Variants in UST observed in about 807,000 individuals in gnomAD.
UST encodes the protein uronyl 2-sulfotransferase, also known as chondroitin sulfate 2-O-sulfotransferase.
UST carries 21 observed loss-of-function variants against 45.6 expected under a neutral mutation model. The observed-to-expected ratio is 0.46, with a 90% confidence interval of 0.33 to 0.66. The LOEUF (loss-of-function observed/expected upper bound fraction) is 0.66. Ranked by LOEUF, UST falls within the 30% of genes least tolerant of loss-of-function variation. The probability of loss-of-function intolerance (pLI) is 0.02; values close to 1 mark genes in which losing one functional copy is unlikely to be tolerated. For synonymous variants in UST, 215 were observed against 200.6 expected (o/e 1.07, Z -0.61); for missense variants, 463 against 512.4 (o/e 0.90, Z 0.93).
chr6:148,838,857 C>T (rs775187771), intron 1 of UST, among the ~76,000 whole-genome samples: 2 of 152,068 alleles, frequency 1.3e-5, no homozygotes, highest in Admixed American at 6.6e-5. Context: ...AGGGCATAGG[C>T]ATCCAGGATA....
intron 3 of UST, among the ~76,000 whole-genome samples, chr6:148,951,599 A>G (rs1780366562): frequency 6.6e-6 from 1 of 152,110 alleles, no homozygotes; most frequent in African/African-American, 2.4e-5. Context: ...GATTTAGGTG[A>G]AGGAACAGGC....
At chr6:148,993,509 T>C (rs1234054852) in intron 5 of UST, among the ~76,000 whole-genome samples, 3 of 152,230 alleles carry the variant, frequency 2.0e-5, no homozygotes, top group Non-Finnish European at 4.4e-5. Context: ...TAAAAGAATT[T>C]AGAGACTTGT....
At chr6:149,019,003 T>G in intron 5 of UST, 136 bp from the exon 6 acceptor site, 1 of 743,126 alleles carries the variant, frequency 1.3e-6, no homozygotes, top group Non-Finnish European at 2.3e-6. Context: ...AGTTTTCTCA[T>G]GAAATCTGTG....
At chr6:148,839,717 T>G (rs1777855727) in intron 1 of UST, among the ~76,000 whole-genome samples, 1 of 152,066 alleles carries the variant, frequency 6.6e-6, no homozygotes, top group Admixed American at 6.5e-5. Context: ...TCCTCCAACA[T>G]TTGGAGGATC....
intron 1 of UST, among the ~76,000 whole-genome samples, chr6:148,769,906 T>G (rs1776390404): frequency 6.6e-6 from 1 of 152,072 alleles, no homozygotes; most frequent in South Asian, 2.1e-4. Flanking sequence ...CTTCTAAGAT[T>G]ATGTAAATTA....
chr6:148,956,828 C>T (rs915008610), intron 4 of UST, among the ~76,000 whole-genome samples: 1 of 152,130 alleles, frequency 6.6e-6, no homozygotes, highest in African/African-American at 2.4e-5. Context: ...TTTTCCTTGC[C>T]TTTGGGAGAC....
At chr6:148,759,243 T>TA (rs905667894) in intron 1 of UST, among the ~76,000 whole-genome samples, 5 of 152,080 alleles carry the variant, frequency 3.3e-5, no homozygotes, top group African/African-American at 1.2e-4. Context: ...GAAGTCCTTT[T>TA]AAAAAAGTCC....
chr6:148,836,036 T>G (rs1476305858), intron 1 of UST, among the ~76,000 whole-genome samples: 1 of 152,168 alleles, frequency 6.6e-6, no homozygotes, highest in Non-Finnish European at 1.5e-5. Context: ...TGGTGGTGAC[T>G]GAAGGCAGAA....
chr6:148,988,868 C>A (rs1329522651), intron 5 of UST, among the ~76,000 whole-genome samples: 1 of 152,184 alleles, frequency 6.6e-6, no homozygotes, highest in African/African-American at 2.4e-5. Flanking sequence ...TTGTCCTCTG[C>A]TCCTGTTAAT....
At chr6:148,837,900 G>A (rs963644273) in intron 1 of UST, among the ~76,000 whole-genome samples, 3 of 152,176 alleles carry the variant, frequency 2.0e-5, no homozygotes, top group South Asian at 2.1e-4. Context: ...ACGGGGTTTC[G>A]CCATGTTGCT....
At chr6:148,872,305 A>G (rs534262741) in intron 1 of UST, among the ~76,000 whole-genome samples, 4 of 152,380 alleles carry the variant, frequency 2.6e-5, no homozygotes, top group Admixed American at 6.5e-5. Context: ...GATGGTGTCT[A>G]TATGAGGCTT....
At chr6:148,900,589 C>T (rs913313176) in intron 2 of UST, among the ~76,000 whole-genome samples, 1 of 152,330 alleles carries the variant, frequency 6.6e-6, no homozygotes. Flanking sequence ...GTCCATTAAA[C>T]CTCTTCCTTT....
chr6:148,831,780 C>A (rs1777691925), intron 1 of UST, among the ~76,000 whole-genome samples: 1 of 152,008 alleles, frequency 6.6e-6, no homozygotes, highest in Admixed American at 6.6e-5. Flanking sequence ...GCACAGAGTA[C>A]AGCCCTATCT....
chr6:148,822,730 G>C (rs1044631029), intron 1 of UST, among the ~76,000 whole-genome samples: 1 of 152,150 alleles, frequency 6.6e-6, no homozygotes, highest in African/African-American at 2.4e-5. Context: ...GGGGGTTTGT[G>C]ATCTCAAATG....
intron 1 of UST, among the ~76,000 whole-genome samples, chr6:148,828,020 A>G (rs976345847): frequency 3.3e-5 from 5 of 151,994 alleles, no homozygotes; most frequent in African/African-American, 7.2e-5. Context: ...AAATGTTGCC[A>G]TATGTTTAAG....
chr6:148,991,615 C>G (rs1020769769), intron 5 of UST, among the ~76,000 whole-genome samples: 2 of 148,102 alleles, frequency 1.4e-5, no homozygotes, highest in Non-Finnish European at 1.5e-5. Context: ...TATTTTATAT[C>G]AACTGTTACT....
In UST at chr6:148,993,080, C is replaced by A. The variant is rs546707255; in HGVS notation, c.682-26059C>A. The A allele has an allele frequency of 1.0e-5, 10 of 985,402 alleles. No homozygotes were observed. In the African/African-American group the frequency reaches 1.6e-4, roughly 15 times the overall value. The allele number at this position is 985,402 out of a possible 1,614,324, so 61.0% of individuals were successfully genotyped here. On this transcript the variant is annotated intron_variant, in intron 5 of 7. Coordinates refer to ENST00000367463, the MANE Select transcript of UST (RefSeq NM_005715.3). ...GCACCAAAGGAGGTGACATTTGTTT[C>A]TTAGTGCATTTGTTTCTAGGTCAGT...
At chr6:148,812,518 G>C (rs900506757) in intron 1 of UST, among the ~76,000 whole-genome samples, 18 of 152,182 alleles carry the variant, frequency 1.2e-4, no homozygotes, top group Admixed American at 9.8e-4. Context: ...TCTCTCATGA[G>C]GTTGCAGTCA....
At chr6:148,839,962 A>ACT (rs1449362878) in intron 1 of UST, among the ~76,000 whole-genome samples, 5 of 152,146 alleles carry the variant, frequency 3.3e-5, no homozygotes, top group Non-Finnish European at 7.4e-5. Flanking sequence ...ATAGTACCAC[A>ACT]CTACCTCCCT....
Sources: allele counts gnomAD v4.1 joint callset (sites outside exome capture counted in the v4.1 genomes callset), GRCh38; gene constraint gnomAD v4.1.1; transcripts MANE v1.5; gene names NCBI Gene and HGNC (gene_info 2026-07-23, HGNC 2026-07-21).